The following ADAMTS18 variants were observed in gnomAD, a reference collection of about 807,000 sequenced individuals.
ADAMTS18 encodes the protein ADAM metallopeptidase with thrombospondin type 1 motif 18.
Under a neutral mutation model 165.9 loss-of-function variants are expected in ADAMTS18, and 157 were observed. That is an observed-to-expected ratio of 0.95 (90% CI 0.83 to 1.08). The LOEUF is 1.08. Among genes scored for constraint, ADAMTS18 ranks in the 50% least tolerant of loss-of-function variants. The probability of loss-of-function intolerance (pLI) is 0.00; values close to 1 mark genes in which losing one functional copy is unlikely to be tolerated. For missense variants in ADAMTS18, 2,040 were observed against 1,534.0 expected, an observed-to-expected ratio of 1.33 and a Z score of -5.51; for synonymous variants, 782 against 578.2, an observed-to-expected ratio of 1.35 and a Z score of -5.06.
Position 77,367,743 on chromosome 16 carries a change from G to C in ADAMTS18, c.496-20C>G. ...ACCTGACTAAAAAGCCAAACACAAA[G>C]CAAACAGTCATGATTCCATGCATCC... On this transcript the variant is annotated intron_variant, in intron 3 of 22. Coordinates refer to ENST00000282849, the MANE Select transcript of ADAMTS18 (RefSeq NM_199355.4). 1 of 1,614,140 alleles carries C rather than the reference G, an allele frequency of 6.2e-7. No homozygotes were observed. The highest frequency in any genetic ancestry group is 8.5e-7 in the Non-Finnish European group (1 of 1,180,004).
At chr16:77,405,683 C>T (rs1283410297) in intron 3 of ADAMTS18, among the ~76,000 whole-genome samples, 2 of 152,118 alleles carry the variant, frequency 1.3e-5, no homozygotes, top group Admixed American at 6.5e-5. Context: ...GTTCTGGAGG[C>T]TAAAAAGTCT....
intron 3 of ADAMTS18, among the ~76,000 whole-genome samples, chr16:77,387,265 G>T (rs1423315622): frequency 6.6e-6 from 1 of 152,206 alleles, no homozygotes; most frequent in Non-Finnish European, 1.5e-5. Flanking sequence ...AGGAAGAAAA[G>T]TGGCTTTCTT....
chr16:77,283,773 G>A lies in ADAMTS18; in HGVS notation c.*183C>T, dbSNP rs994793163. 8 of 599,200 alleles carry A rather than the reference G, an allele frequency of 1.3e-5. No individual in the cohort carries two copies. The highest frequency in any genetic ancestry group is 2.4e-5 in the Non-Finnish European group (8 of 335,338). 37.1% of individuals were successfully genotyped at this position (599,200 alleles called of 1,614,324 possible). On this transcript the variant is annotated 3_prime_UTR_variant, in exon 23 of 23. Coordinates refer to ENST00000282849, the MANE Select transcript of ADAMTS18 (RefSeq NM_199355.4). Reference sequence around the variant, plus strand: ...TTTCAAGTGCTTCAGAGTACCACGTGCTTCAGGGAATTGAGCTAGAAGCCT... The same window carrying A: ...TTTCAAGTGCTTCAGAGTACCACGTACTTCAGGGAATTGAGCTAGAAGCCT...
chr16:77,380,854 T>G (rs1412890646), intron 3 of ADAMTS18, among the ~76,000 whole-genome samples: 3 of 152,086 alleles, frequency 2.0e-5, no homozygotes, highest in African/African-American at 4.8e-5. Context: ...CTCTATTTGT[T>G]TTTTGTTGTT....
intron 3 of ADAMTS18, among the ~76,000 whole-genome samples, chr16:77,411,195 G>A (rs552961345): frequency 3.1e-4 from 47 of 152,208 alleles, no homozygotes; most frequent in African/African-American, 9.4e-4. Flanking sequence ...ATTCATACTC[G>A]CTGCCATCCT....
chr16:77,291,608 A>G, intron 20 of ADAMTS18, 130 bp from the exon 21 acceptor site: 2 of 941,524 alleles, frequency 2.1e-6, no homozygotes, highest in Non-Finnish European at 3.4e-6. Context: ...GGTCAACCAC[A>G]CTCACTCGAG....
rs773227435 is a variant in ADAMTS18, at chr16:77,291,442, CCCTCTT to C, written c.3220_3225del (p.Lys1074_Arg1075del). Reference sequence around the variant, plus strand: ...AAGCCCTTCTCGCTGCACTTCATCTCCCTCTTCCTCACACCCAAACCACAGGTTGCA... The same window carrying C: ...AAGCCCTTCTCGCTGCACTTCATCTCCCTCACACCCAAACCACAGGTTGCA... On this transcript the variant is annotated inframe_deletion, in exon 21 of 23. Coordinates refer to ENST00000282849, the MANE Select transcript of ADAMTS18 (RefSeq NM_199355.4). The C allele has an allele frequency of 6.2e-7, 1 of 1,614,190 alleles. No individual in the cohort carries two copies. The highest frequency in any genetic ancestry group is 8.5e-7 in the Non-Finnish European group (1 of 1,180,018).
In ADAMTS18 at chr16:77,324,096, T is replaced by C. The variant is rs190357992; in HGVS notation, c.2033-1630A>G. On this transcript the variant is annotated intron_variant, in intron 13 of 22. Transcript: ENST00000282849. ...AACAGGACTGATTTCATAAACACTATGTTTGAATGAAAGATGTAATGTGAT... is the reference window on the plus strand; with the variant it reads ...AACAGGACTGATTTCATAAACACTACGTTTGAATGAAAGATGTAATGTGAT... Among the ~76,000 whole-genome samples the C allele has an allele frequency of 1.9e-3, 295 of 152,314 alleles. 2 individuals are homozygous for C. The highest frequency in any genetic ancestry group is 3.5e-3 in the South Asian group (17 of 4,832).
At chr16:77,332,362 C>T (rs371283365) in intron 12 of ADAMTS18, among the ~76,000 whole-genome samples, 5 of 152,168 alleles carry the variant, frequency 3.3e-5, no homozygotes, top group East Asian at 3.9e-4. Flanking sequence ...CCTCTGTGAC[C>T]CCGTCCTCCT....
At chr16:77,415,060 T>C (rs191264230) in intron 3 of ADAMTS18, among the ~76,000 whole-genome samples, 1 of 152,276 alleles carries the variant, frequency 6.6e-6, no homozygotes, top group Admixed American at 6.5e-5. Flanking sequence ...ACAAGACCAG[T>C]AATGTATCCA....
Position 77,416,965 on chromosome 16 carries a change from T to C in ADAMTS18, c.495+14330A>G, listed in dbSNP as rs1312878484. On this transcript the variant is annotated intron_variant, in intron 3 of 22. Coordinates refer to ENST00000282849, the MANE Select transcript of ADAMTS18 (RefSeq NM_199355.4). Reference sequence around the variant, plus strand: ...AATGAAGTTTACATGGCCTTGAGCATAAGATTACTCGGTATTTATATATCA... The same window carrying C: ...AATGAAGTTTACATGGCCTTGAGCACAAGATTACTCGGTATTTATATATCA... Among the ~76,000 whole-genome samples the C allele has an allele frequency of 2.0e-5, 3 of 152,208 alleles. No individual in the cohort carries two copies. In the East Asian group the frequency reaches 5.8e-4, roughly 29 times the overall value.
intron 2 of ADAMTS18, chr16:77,432,463 G>C (rs1348841472): frequency 6.6e-6 from 1 of 152,138 alleles, no homozygotes; most frequent in African/African-American, 2.4e-5. Context: ...GTTCCAAAGA[G>C]GAGGAGCTAA....
chr16:77,414,145 T>A (rs2057500348), intron 3 of ADAMTS18, among the ~76,000 whole-genome samples: 1 of 152,200 alleles, frequency 6.6e-6, no homozygotes, highest in Non-Finnish European at 1.5e-5. Flanking sequence ...TATCAACCTG[T>A]CCACATCAGA....
intron 11 of ADAMTS18, among the ~76,000 whole-genome samples, chr16:77,340,347 G>T (rs997659431): frequency 5.9e-5 from 9 of 151,892 alleles, no homozygotes; most frequent in African/African-American, 1.7e-4. Context: ...GCAAATTTTT[G>T]TATTTTTAGT....
intron 3 of ADAMTS18, among the ~76,000 whole-genome samples, chr16:77,415,817 A>G (rs2057523245): frequency 6.6e-6 from 1 of 152,068 alleles, no homozygotes; most frequent in Non-Finnish European, 1.5e-5. Context: ...ATGGATGAAA[A>G]AATGAGAAAT....
intron 3 of ADAMTS18, among the ~76,000 whole-genome samples, chr16:77,369,743 A>C (rs769100696): frequency 6.6e-6 from 1 of 152,200 alleles, no homozygotes; most frequent in African/African-American, 2.4e-5. Flanking sequence ...AACTCATTCT[A>C]CATGGCCTGC....
At chr16:77,422,145 C>T (rs569560116) in intron 3 of ADAMTS18, among the ~76,000 whole-genome samples, 8 of 152,146 alleles carry the variant, frequency 5.3e-5, no homozygotes, top group African/African-American at 1.4e-4. Flanking sequence ...CATTAATTCA[C>T]AGACCAATCC....
At chr16:77,434,562 G>A in intron 1 of ADAMTS18, 44 bp downstream of exon 1, 4 of 1,530,584 alleles carry the variant, frequency 2.6e-6, no homozygotes, top group Non-Finnish European at 3.5e-6. Context: ...GGCGTCGGGC[G>A]CCCCCTGCCA....
At chr16:77,355,726 G>A (rs2056619202) in intron 9 of ADAMTS18, among the ~76,000 whole-genome samples, 1 of 152,088 alleles carries the variant, frequency 6.6e-6, no homozygotes, top group Non-Finnish European at 1.5e-5. Flanking sequence ...GATTGAAGGA[G>A]GAAATATGTG....
Sources: gnomAD v4.1 joint callset for allele counts (sites outside exome capture counted in the v4.1 genomes callset) on GRCh38, gnomAD v4.1.1 for gene constraint, MANE v1.5 for transcripts, NCBI Gene and HGNC (gene_info 2026-07-23, HGNC 2026-07-21) for gene names.